APLP2: variants seen among roughly 807,000 people sequenced by gnomAD.
APLP2 encodes the protein amyloid beta precursor like protein 2.
A neutral mutation model predicts 89.9 loss-of-function variants in APLP2; 53 were observed. The ratio of observed to expected loss-of-function variants is 0.59; its 90% CI spans 0.47 to 0.74. APLP2 has a LOEUF of 0.74. Among genes scored for constraint, APLP2 ranks in the 30% least tolerant of loss-of-function variants. APLP2 has a pLI of 0.00. For synonymous variants in APLP2, 372 were observed against 348.6 expected (o/e 1.07, Z -0.75); for missense variants, 973 against 975.9 (o/e 1.00, Z 0.04).
In APLP2 at chr11:130,110,576, A is replaced by C. The variant is rs1948420403; in HGVS notation, c.318A>C (p.Ala106=). 6 of 1,614,010 alleles carry C rather than the reference A, an allele frequency of 3.7e-6. No homozygotes were observed. The East Asian group carries it at 1.1e-4, about 30-fold the overall frequency. ...TACAGATCACAAATGTGATGGAGGCAAACCAGCGGGTTAGTATTGACAACT... is the reference window on the plus strand; with the variant it reads ...TACAGATCACAAATGTGATGGAGGCCAACCAGCGGGTTAGTATTGACAACT... ...PELQITNVME[A]NQRVSIDNWC... is the part of the protein sequence containing the mutation. Residue 106 remains alanine, a synonymous_variant, in exon 3 of 17, where the codon GCA becomes GCC. Transcript: ENST00000338167.
In APLP2 at chr11:130,141,510, A is replaced by G. The variant is rs1447452055; in HGVS notation, c.1936A>G (p.Thr646Ala). ...KVDENMVIDE[T>A]LDVKEMIFNA... Reference sequence around the variant, plus strand: ...ATGACTGTTTCAGGTCATTGACGAGACTCTGGATGTTAAGGAAATGATTTT... The same window carrying G: ...ATGACTGTTTCAGGTCATTGACGAGGCTCTGGATGTTAAGGAAATGATTTT... The change falls in exon 15 of 17, where the codon ACT becomes GCT. Residue 646 changes from threonine to alanine, a missense_variant. Thr to Ala is a moderately conservative substitution (Grantham distance 58, BLOSUM62 0). Transcript: ENST00000338167. The surrounding 1 kb of genome is among the most constrained non-coding windows in gnomAD (Gnocchi z 4.2). The G allele has an allele frequency of 1.2e-6, 2 of 1,613,590 alleles. No individual in the cohort carries two copies. The highest frequency in any genetic ancestry group is 1.7e-6 in the Non-Finnish European group (2 of 1,179,882).
chr11:130,072,437 G>C (rs1941282676), intron 1 of APLP2, among the ~76,000 whole-genome samples: 1 of 151,920 alleles, frequency 6.6e-6, no homozygotes. Flanking sequence ...TTGTACCTTG[G>C]AGAGAAACCT....
intron 1 of APLP2, among the ~76,000 whole-genome samples, chr11:130,102,895 A>G (rs1246995546): frequency 2.6e-5 from 4 of 152,232 alleles, no homozygotes; most frequent in African/African-American, 9.6e-5. Flanking sequence ...AGCAAAATGG[A>G]AGTGCTGGGC....
At chr11:130,091,948 GCTC>G (rs1210663580) in intron 1 of APLP2, among the ~76,000 whole-genome samples, 1 of 136,130 alleles carries the variant, frequency 7.3e-6, no homozygotes, top group Non-Finnish European at 1.5e-5. Flanking sequence ...GGGCGGAGGG[GCTC>G]CTCACTTCTC....
chr11:130,135,930 T>G (rs1951530245), intron 13 of APLP2, among the ~76,000 whole-genome samples: 1 of 152,186 alleles, frequency 6.6e-6, no homozygotes, highest in Non-Finnish European at 1.5e-5. Flanking sequence ...AAGTTAAGAC[T>G]AATTCTCCCA....
chr11:130,111,123 G>A (rs903680462), intron 3 of APLP2, among the ~76,000 whole-genome samples: 4 of 152,104 alleles, frequency 2.6e-5, no homozygotes, highest in East Asian at 1.9e-4. Flanking sequence ...CAAGGGTACC[G>A]GGGCCAGGGC....
At chr11:130,108,452 G>A (rs777033212) in intron 1 of APLP2, among the ~76,000 whole-genome samples, 4 of 152,250 alleles carry the variant, frequency 2.6e-5, no homozygotes, top group East Asian at 1.9e-4. Flanking sequence ...GACACATGAA[G>A]AAATGCTCAT....
intron 3 of APLP2, among the ~76,000 whole-genome samples, chr11:130,118,064 G>A (rs994650658): frequency 2.8e-5 from 4 of 142,960 alleles, no homozygotes; most frequent in Admixed American, 2.1e-4. Flanking sequence ...GCAGCAGAGC[G>A]AGACTCCATC....
intron 1 of APLP2, among the ~76,000 whole-genome samples, chr11:130,078,507 G>T (rs530275171): frequency 6.6e-6 from 1 of 151,812 alleles, no homozygotes; most frequent in African/African-American, 2.4e-5. Flanking sequence ...TGTTATGGTA[G>T]GTGCTTTTTG....
intron 16 of APLP2, among the ~76,000 whole-genome samples, chr11:130,142,868 C>T (rs924863319): frequency 1.3e-5 from 2 of 152,210 alleles, no homozygotes; most frequent in African/African-American, 2.4e-5. Context: ...CCGCCTCAGC[C>T]TCCCAAAGTG....
intron 1 of APLP2, among the ~76,000 whole-genome samples, chr11:130,090,245 GTCTT>G (rs1565558529): frequency 7.9e-6 from 1 of 126,846 alleles, no homozygotes; most frequent in Non-Finnish European, 1.6e-5. Flanking sequence ...TTCTAGCTCT[GTCTT>G]TTTTTTTTTT....
chr11:130,120,673 C>G, intron 3 of APLP2, 33 bp from the exon 4 acceptor site: 1 of 1,516,954 alleles, frequency 6.6e-7, no homozygotes, highest in East Asian at 2.3e-5. Flanking sequence ...AAATCATGGT[C>G]AGATCCGCTC....
At chr11:130,076,046 T>G (rs1335955707) in intron 1 of APLP2, among the ~76,000 whole-genome samples, 1 of 152,192 alleles carries the variant, frequency 6.6e-6, no homozygotes, top group East Asian at 1.9e-4. Flanking sequence ...TCAAATGATA[T>G]TCACTGATTT....
chr11:130,090,382 C>T (rs1006324090), intron 1 of APLP2, among the ~76,000 whole-genome samples: 17 of 147,324 alleles, frequency 1.2e-4, no homozygotes, highest in Non-Finnish European at 2.2e-4. Flanking sequence ...ACAAAGGTCT[C>T]TGGTTTTCCT....
In APLP2 at chr11:130,121,756, A is replaced by G; in HGVS notation, c.659A>G (p.Asp220Gly). 6.2e-7 allele frequency: 1 copy of G among 1,607,936 alleles called. No individual in the cohort carries two copies. The highest frequency in any genetic ancestry group is 1.1e-5 in the South Asian group (1 of 90,944). Reference sequence around the variant, plus strand: ...GTGTCAAAAGAAGAGGAAGAGGAAGATGAAGAGGAAGAGGAAGAGGAAGAT... The same window carrying G: ...GTGTCAAAAGAAGAGGAAGAGGAAGGTGAAGAGGAAGAGGAAGAGGAAGAT... Reference protein sequence around the residue: ...GSVSKEEEEEDEEEEEEEDEE... With the variant: ...GSVSKEEEEEGEEEEEEEDEE... Residue 220 changes from aspartate (D) to glycine (G), a missense_variant, in exon 5 of 17, where the codon GAT becomes GGT. Asp to Gly is a moderately conservative substitution (Grantham distance 94). Transcript: ENST00000338167.
chr11:130,109,932 G>A (rs1348653836), intron 2 of APLP2: 2 of 243,450 alleles, frequency 8.2e-6, no homozygotes, highest in African/African-American at 2.3e-5. Context: ...AAAGCCACCA[G>A]TATTGTAAAG....
intron 1 of APLP2, chr11:130,108,608 G>T (rs1028295864): frequency 1.3e-5 from 2 of 152,166 alleles, no homozygotes; most frequent in African/African-American, 4.8e-5. Flanking sequence ...ACTGTTGGTG[G>T]GACTCTAAAC....
intron 1 of APLP2, among the ~76,000 whole-genome samples, chr11:130,073,326 A>C (rs1163370999): frequency 6.6e-6 from 1 of 152,200 alleles, no homozygotes; most frequent in Admixed American, 6.5e-5. Flanking sequence ...AATACTATGT[A>C]TGTGGCTCAC....
intron 1 of APLP2, among the ~76,000 whole-genome samples, chr11:130,103,050 T>C (rs1364996754): frequency 6.6e-6 from 1 of 152,222 alleles, no homozygotes; most frequent in African/African-American, 2.4e-5. Context: ...TCAGAAGTGC[T>C]GACTTGGCAG....
Sources: allele counts gnomAD v4.1 joint callset (sites outside exome capture counted in the v4.1 genomes callset), GRCh38; gene constraint gnomAD v4.1.1; non-coding constraint Gnocchi (gnomAD v3.1); transcripts MANE v1.5; gene names NCBI Gene and HGNC (gene_info 2026-07-23, HGNC 2026-07-21).